The following AMBRA1 variants were observed in gnomAD, a reference collection of about 807,000 sequenced individuals.
The protein encoded by AMBRA1 is autophagy and beclin 1 regulator 1.
Under a neutral mutation model 125.4 loss-of-function variants are expected in AMBRA1, and 47 were observed. That is an observed-to-expected ratio of 0.37 (90% CI 0.30 to 0.48). The LOEUF (loss-of-function observed/expected upper bound fraction) is 0.48. Among genes scored for constraint, AMBRA1 ranks in the 20% least tolerant of loss-of-function variants. The probability of loss-of-function intolerance (pLI) is 0.99; values close to 1 mark genes in which losing one functional copy is unlikely to be tolerated. For synonymous variants in AMBRA1, 626 were observed against 655.5 expected (o/e 0.95, Z 0.69); for missense variants, 1,331 against 1,693.4 (o/e 0.79, Z 3.76).
At chr11:46,537,256 A>G (rs73449920) in intron 7 of AMBRA1, among the ~76,000 whole-genome samples, 1,784 of 152,338 alleles carry the variant, frequency 0.012, 43 homozygotes, top group African/African-American at 0.041. Context: ...TACATGAGCA[A>G]CAGAGGTTTT....
At chr11:46,460,389 T>C (rs1165561665) in intron 11 of AMBRA1, among the ~76,000 whole-genome samples, 1 of 152,040 alleles carries the variant, frequency 6.6e-6, no homozygotes, top group African/African-American at 2.4e-5. Flanking sequence ...TGGCGCAATC[T>C]TGGCTCACTG....
intron 15 of AMBRA1, among the ~76,000 whole-genome samples, chr11:46,415,257 C>T (rs977676424): frequency 6.6e-6 from 1 of 152,228 alleles, no homozygotes; most frequent in Non-Finnish European, 1.5e-5. Context: ...GACATGAATG[C>T]GCTCACTGAT....
At chr11:46,585,695 A>AATATAAATATATATATATATATATAT (rs2044362056) in intron 1 of AMBRA1, among the ~76,000 whole-genome samples, 1 of 22,916 alleles carries the variant, frequency 4.4e-5, no homozygotes, top group African/African-American at 1.8e-4. Flanking sequence ...AAAAAAAAAA[A>AATATAAATATATATATATATATATAT]ATATATATAT....
At chr11:46,553,199 T>C (rs538792077) in intron 1 of AMBRA1, among the ~76,000 whole-genome samples, 1 of 152,154 alleles carries the variant, frequency 6.6e-6, no homozygotes, top group South Asian at 2.1e-4. Flanking sequence ...CGCCTCAGCC[T>C]CCCAAAGTGC....
intron 11 of AMBRA1, among the ~76,000 whole-genome samples, chr11:46,455,929 T>C (rs1209623895): frequency 6.6e-6 from 1 of 152,176 alleles, no homozygotes; most frequent in Non-Finnish European, 1.5e-5. Context: ...TGCTCCTGTG[T>C]GGGTAGAGAA....
chr11:46,574,579 T>C (rs528857981), intron 1 of AMBRA1, among the ~76,000 whole-genome samples: 99 of 152,278 alleles, frequency 6.5e-4, no homozygotes, highest in African/African-American at 2.3e-3. Flanking sequence ...CTTTGTCAGA[T>C]GAGTAGGTTG....
rs758245145 is a variant in AMBRA1 at position 46,418,096 on chromosome 11, A to G, written c.2977-44T>C. The G allele has an allele frequency of 1.9e-5, 28 of 1,498,464 alleles. No individual in the cohort carries two copies. The Admixed American group carries it at 5.0e-4, about 27-fold the overall frequency. The allele number at this position is 1,498,464 out of a possible 1,614,324, so 92.8% of individuals were successfully genotyped here. Reference sequence around the variant, plus strand: ...GGAAAAAAAGAGAATGGGAGGAGAAACAATTTGTTACCAAGAATAACAAAA... The same window carrying G: ...GGAAAAAAAGAGAATGGGAGGAGAAGCAATTTGTTACCAAGAATAACAAAA... On this transcript the variant is annotated intron_variant, in intron 14 of 17. Coordinates refer to ENST00000683756, the MANE Select transcript of AMBRA1 (RefSeq NM_001387011.1).
intron 1 of AMBRA1, among the ~76,000 whole-genome samples, chr11:46,551,285 A>G (rs1394346244): frequency 6.6e-6 from 1 of 151,294 alleles, no homozygotes; most frequent in African/African-American, 2.4e-5. Context: ...TGTTTTTGAA[A>G]TGGAATTTTA....
intron 1 of AMBRA1, among the ~76,000 whole-genome samples, chr11:46,555,399 G>A (rs978816483): frequency 1.1e-4 from 17 of 152,154 alleles, no homozygotes; most frequent in African/African-American, 3.6e-4. Context: ...TTGAGGCTTC[G>A]TTTCCTCCTC....
Position 46,408,696 on chromosome 11 carries a change from C to A in AMBRA1, c.3220G>T (p.Ala1074Ser). ...RSSERPGTSR[A>S]TWRTDRDMGL... ...ATGTCTCTGTCTGTCCTCCATGTGGCTCTGCTGGTTCTAGGGAGAGAAAGG... is the reference window on the plus strand; with the variant it reads ...ATGTCTCTGTCTGTCCTCCATGTGGATCTGCTGGTTCTAGGGAGAGAAAGG... Residue 1074 changes from alanine (A) to serine (S), a missense_variant, in exon 17 of 18, where the codon GCC (alanine) becomes TCC (serine). By Grantham distance (99) the Ala-to-Ser change is moderately conservative. Transcript: ENST00000683756. 1 of 1,552,372 alleles carries A rather than the reference C, an allele frequency of 6.4e-7. No individual in the cohort carries two copies. Among genetic ancestry groups the A allele is most frequent in the Non-Finnish European group, 8.7e-7 (1 of 1,144,896 alleles).
intron 11 of AMBRA1, among the ~76,000 whole-genome samples, chr11:46,476,379 G>T (rs1168136275): frequency 6.6e-6 from 1 of 152,146 alleles, no homozygotes. Context: ...TCACTTAGAT[G>T]GTGTATTTTT....
chr11:46,560,671 A>G (rs891043207), intron 1 of AMBRA1, among the ~76,000 whole-genome samples: 1 of 152,252 alleles, frequency 6.6e-6, no homozygotes, highest in Admixed American at 6.5e-5. Context: ...GGAAGGAAGA[A>G]CAAGGAGGAA....
At chr11:46,506,638 G>C (rs1275700200) in intron 9 of AMBRA1, among the ~76,000 whole-genome samples, 1 of 152,174 alleles carries the variant, frequency 6.6e-6, no homozygotes, top group African/African-American at 2.4e-5. Flanking sequence ...ATGACTGACA[G>C]GCTGTCCTCT....
chr11:46,569,438 A>AT lies in AMBRA1; in HGVS notation c.-120-20939_-120-20938insA, dbSNP rs1320055263. Among the ~76,000 whole-genome samples, 393 of 134,190 alleles carry AT rather than the reference A, an allele frequency of 2.9e-3. 2 individuals are homozygous for AT. Among genetic ancestry groups the AT allele is most frequent in the African/African-American group, 8.8e-3 (290 of 33,126 alleles). 88.0% of individuals were successfully genotyped at this position (134,190 alleles called of 152,430 possible). A position where few individuals can be genotyped will look rare whatever the true frequency, so the allele number is the denominator to read the frequency against. On this transcript the variant is annotated intron_variant, in intron 1 of 17. Transcript: ENST00000683756. ...ATATCACTGAGAGATTAAAAAAAAAAAAATATATATATATATATATATATA... is the reference window on the plus strand; with the variant it reads ...ATATCACTGAGAGATTAAAAAAAAAATAAATATATATATATATATATATATA...
intron 14 of AMBRA1, among the ~76,000 whole-genome samples, chr11:46,419,519 G>A (rs1393926092): frequency 6.6e-6 from 1 of 152,190 alleles, no homozygotes; most frequent in African/African-American, 2.4e-5. Flanking sequence ...TGCTATTATT[G>A]CAACCAGGAA....
At chr11:46,478,648 CTTTTTTTTTTTT>C (rs11449187) in intron 11 of AMBRA1, among the ~76,000 whole-genome samples, 24 of 82,156 alleles carry the variant, frequency 2.9e-4, no homozygotes, top group Non-Finnish European at 3.9e-4. Context: ...TCTTTTTTCT[CTTTTTTTTTTTT>C]TTTTTTTTTT....
intron 11 of AMBRA1, among the ~76,000 whole-genome samples, chr11:46,478,897 CTT>C (rs957636849): frequency 6.6e-6 from 1 of 152,038 alleles, no homozygotes; most frequent in African/African-American, 2.4e-5. Context: ...TGTAAGGACA[CTT>C]TTAAAAAAAG....
At chr11:46,532,285 G>C (rs527856887) in intron 7 of AMBRA1, among the ~76,000 whole-genome samples, 13 of 152,150 alleles carry the variant, frequency 8.5e-5, no homozygotes, top group Non-Finnish European at 1.5e-4. Flanking sequence ...TCTCATACAA[G>C]GGTGTCAGAG....
At chr11:46,483,142 G>T (rs909781134) in intron 11 of AMBRA1, among the ~76,000 whole-genome samples, 1 of 152,132 alleles carries the variant, frequency 6.6e-6, no homozygotes, top group African/African-American at 2.4e-5. Flanking sequence ...AAGCTGCAGT[G>T]AACTGGGCCT....
Sources: gnomAD v4.1 joint callset for allele counts (sites outside exome capture counted in the v4.1 genomes callset) on GRCh38, gnomAD v4.1.1 for gene constraint, MANE v1.5 for transcripts, NCBI Gene and HGNC (gene_info 2026-07-23, HGNC 2026-07-21) for gene names.